The following SMC1B variants were observed in gnomAD, a reference collection of about 807,000 sequenced individuals.
SMC1B encodes the protein structural maintenance of chromosomes protein 1B.
A neutral mutation model predicts 157.9 loss-of-function variants in SMC1B; 60 were observed. The observed-to-expected ratio is 0.38, with a 90% CI of 0.31 to 0.47. The LOEUF is 0.47. SMC1B is among the 20% of genes least tolerant of loss of function. The pLI, the probability that SMC1B is intolerant of heterozygous loss-of-function variation, is 0.99. For synonymous variants in SMC1B, 445 were observed against 483.0 expected, an observed-to-expected ratio of 0.92 and a Z score of 1.03; for missense variants, 1,165 against 1,426.2, an observed-to-expected ratio of 0.82 and a Z score of 2.95.
At chr22:45,345,673 A>C in intron 23 of SMC1B, 104 bp from the exon 24 acceptor site, 2 of 677,772 alleles carry the variant, frequency 3.0e-6, no homozygotes, top group Non-Finnish European at 5.3e-6. Context: ...TTTAGGTGAC[A>C]AGGACTTATC....
intron 10 of SMC1B, among the ~76,000 whole-genome samples, chr22:45,387,355 C>A (rs2087000427): frequency 6.6e-6 from 1 of 152,176 alleles, no homozygotes; most frequent in Admixed American, 6.5e-5. Context: ...GAGGCTGAGG[C>A]AGGAGACTCG....
intron 12 of SMC1B, among the ~76,000 whole-genome samples, chr22:45,381,758 G>C (rs2086938954): frequency 6.6e-6 from 1 of 152,124 alleles, no homozygotes; most frequent in Admixed American, 6.6e-5. Context: ...TCTGTGCCTA[G>C]GCCTAAATTT....
intron 15 of SMC1B, among the ~76,000 whole-genome samples, chr22:45,369,650 C>G (rs1034145553): frequency 4.0e-4 from 60 of 149,920 alleles, no homozygotes; most frequent in African/African-American, 1.5e-3. Flanking sequence ...TCACACCATT[C>G]TCCTGCCTCA....
Position 45,386,799 on chromosome 22 carries a change from T to G in SMC1B, c.1911+68A>C, listed in dbSNP as rs192286756. 86 of 1,351,790 alleles carry G rather than the reference T, an allele frequency of 6.4e-5. 1 individual carries two copies. The East Asian group carries it at 2.0e-3, about 31-fold the overall frequency. 83.7% of individuals were successfully genotyped at this position (1,351,790 alleles called of 1,614,324 possible). A position where few individuals can be genotyped will look rare whatever the true frequency, so the allele number is the denominator to read the frequency against. ...GCATATGTAAATATTTGTGTGTGTT[T>G]GTGTATGCTAGTCTTATAAATACTA... On this transcript the variant is annotated intron_variant, in intron 11 of 24. Coordinates refer to ENST00000357450, the MANE Select transcript of SMC1B (RefSeq NM_148674.5).
chr22:45,394,807 T>C, intron 7 of SMC1B, 40 bp from the exon 8 acceptor site: 1 of 1,465,520 alleles, frequency 6.8e-7, no homozygotes, highest in Non-Finnish European at 9.1e-7. Flanking sequence ...TTACGGCAAT[T>C]CCAAACCAAC....
intron 4 of SMC1B, 119 bp from the exon 5 acceptor site, chr22:45,402,690 G>T: frequency 1.3e-6 from 1 of 760,826 alleles, no homozygotes; most frequent in Non-Finnish European, 2.2e-6. Flanking sequence ...AGGACATAAT[G>T]TTCTTGCCAA....
At chr22:45,406,890 T>TA in intron 2 of SMC1B, 25 bp from the exon 3 acceptor site, 4 of 1,484,600 alleles carry the variant, frequency 2.7e-6, no homozygotes, top group Non-Finnish European at 3.6e-6. Flanking sequence ...TAAACCCTGT[T>TA]AAAAAATATA....
At chr22:45,363,766 TG>T (rs1357909954) in intron 15 of SMC1B, among the ~76,000 whole-genome samples, 1 of 152,202 alleles carries the variant, frequency 6.6e-6, no homozygotes, top group Non-Finnish European at 1.5e-5. Flanking sequence ...ATACAGATGA[TG>T]TTTCTTAAAT....
At chr22:45,395,426 C>T (rs1185911231) in intron 7 of SMC1B, among the ~76,000 whole-genome samples, 1 of 152,134 alleles carries the variant, frequency 6.6e-6, no homozygotes, top group African/African-American at 2.4e-5. Context: ...GCAATTCAAC[C>T]AACACTTATT....
Position 45,408,827 on chromosome 22 carries a change from T to G in SMC1B, c.181A>C (p.Ile61Leu). 1 of 1,573,668 alleles carries G rather than the reference T, an allele frequency of 6.4e-7. No individual in the cohort carries two copies. The highest frequency in any genetic ancestry group is 8.6e-7 in the Non-Finnish European group (1 of 1,164,272). The change falls in exon 2 of 25, where the codon ATT (isoleucine) becomes CTT (leucine). Residue 61 changes from isoleucine (I) to leucine (L), a missense_variant. Coordinates refer to ENST00000357450, the MANE Select transcript of SMC1B (RefSeq NM_148674.5). The stretch of plus-strand genomic sequence containing the variant: ...TGTGCTCCATGAATGAGTTCTTGAA[T>G]ATTTTTCACTCTTAAATTAGCTATT... ...EKIANLRVKN[I>L]QELIHGAHIG... is the part of the protein sequence containing the mutation.
rs136569 is a variant in SMC1B, at chr22:45,371,575, A to G, written c.2209T>C (p.Leu737=). ...LVAFYQEQSQ[L]QSELLNIESQ... ...TCAATATTTAGTAGTTCACTTTGTA[A>G]CTGAGATTGTTCCTAATAACAAAAG... Residue 737 remains leucine (L), a synonymous_variant, in exon 14 of 25, where the codon TTA becomes CTA. Transcript: ENST00000357450. The G allele has an allele frequency of 0.51, 812,747 of 1,581,568 alleles. 218,955 individuals carry two copies. Among genetic ancestry groups the G allele is most frequent in the African/African-American group, 0.9 (66,499 of 73,634 alleles).
At chr22:45,348,379 C>T (rs1204183783) in intron 23 of SMC1B, among the ~76,000 whole-genome samples, 1 of 152,092 alleles carries the variant, frequency 6.6e-6, no homozygotes, top group African/African-American at 2.4e-5. Context: ...TGGTGAAACC[C>T]CATCTCTACC....
chr22:45,369,822 G>T, intron 15 of SMC1B, 132 bp downstream of exon 15: 1 of 581,038 alleles, frequency 1.7e-6, no homozygotes, highest in Middle Eastern at 4.8e-4. Context: ...GGGATTACAA[G>T]CGTAAGCCAC....
chr22:45,354,249 G>T (rs181693974), intron 20 of SMC1B, 117 bp from the exon 21 acceptor site: 35 of 761,862 alleles, frequency 4.6e-5, no homozygotes, highest in African/African-American at 3.6e-4. Flanking sequence ...TTGAGTAAAG[G>T]TACCTTCAAA....
At chr22:45,364,761 CT>C (rs1261858429) in intron 15 of SMC1B, among the ~76,000 whole-genome samples, 1 of 151,690 alleles carries the variant, frequency 6.6e-6, no homozygotes, top group Non-Finnish European at 1.5e-5. Flanking sequence ...CCCCAACTAG[CT>C]GCTCTTTTAA....
intron 12 of SMC1B, among the ~76,000 whole-genome samples, chr22:45,378,912 T>G (rs1234148262): frequency 6.6e-6 from 1 of 152,194 alleles, no homozygotes; most frequent in Non-Finnish European, 1.5e-5. Flanking sequence ...TGTCTGATAT[T>G]ATTACTTTTG....
chr22:45,385,424 T>C (rs76029495), intron 11 of SMC1B, among the ~76,000 whole-genome samples: 2,630 of 152,248 alleles, frequency 0.017, 30 homozygotes, highest in Non-Finnish European at 0.026. Flanking sequence ...AGATGATTTC[T>C]GTGAAAATGT....
At chr22:45,407,945 TAC>T (rs777462580) in intron 2 of SMC1B, among the ~76,000 whole-genome samples, 1 of 152,028 alleles carries the variant, frequency 6.6e-6, no homozygotes, top group Non-Finnish European at 1.5e-5. Context: ...AATGTATATA[TAC>T]ACACACACAC....
intron 15 of SMC1B, among the ~76,000 whole-genome samples, chr22:45,367,875 G>A (rs567293817): frequency 6.6e-6 from 1 of 152,244 alleles, no homozygotes; most frequent in Non-Finnish European, 1.5e-5. Flanking sequence ...TCTCATTCTT[G>A]TTTTTGAATT....
Sources: allele counts gnomAD v4.1 joint callset (sites outside exome capture counted in the v4.1 genomes callset), GRCh38; gene constraint gnomAD v4.1.1; transcripts MANE v1.5; gene names NCBI Gene and HGNC (gene_info 2026-07-23, HGNC 2026-07-21).